SLC35D4: variants seen among roughly 807,000 people sequenced by gnomAD.
The protein encoded by SLC35D4 is UDP-N-acetylglucosamine transporter SLC35D4.
At chr18:23,365,908 C>T in the SLC35D4 span, among the ~76,000 whole-genome samples, 1 of 152,192 alleles carries the variant, frequency 6.6e-6, no homozygotes, top group Non-Finnish European at 1.5e-5. Context: ...ATGTCTCAAC[C>T]TGAGGGTCTA....
chr18:23,250,894 CAA>C, the SLC35D4 span, among the ~76,000 whole-genome samples: 1 of 152,212 alleles, frequency 6.6e-6, no homozygotes, highest in East Asian at 1.9e-4. Flanking sequence ...ACCAGAGAAG[CAA>C]AGAGAGGACC....
the SLC35D4 span, among the ~76,000 whole-genome samples, chr18:23,431,020 GGTGCGCACATGTA>G: frequency 3.3e-5 from 5 of 151,786 alleles, no homozygotes; most frequent in African/African-American, 1.2e-4. Flanking sequence ...TGGGCGTGGT[GGTGCGCACATGTA>G]GTCCCAGTTA....
chr18:23,254,719 A>G, the SLC35D4 span, among the ~76,000 whole-genome samples: 2 of 152,206 alleles, frequency 1.3e-5, no homozygotes, highest in Admixed American at 6.5e-5. Flanking sequence ...CCTTAATTGC[A>G]GAGAAAGACA....
chr18:23,432,622 A>C, the SLC35D4 span, among the ~76,000 whole-genome samples: 5 of 150,564 alleles, frequency 3.3e-5, no homozygotes, highest in Non-Finnish European at 7.4e-5. Flanking sequence ...TGGAGGTTGC[A>C]GTGAGCCGAG....
At chr18:23,430,123 G>A in the SLC35D4 span, among the ~76,000 whole-genome samples, 1 of 152,090 alleles carries the variant, frequency 6.6e-6, no homozygotes, top group South Asian at 2.1e-4. Context: ...TTTCTTCTTG[G>A]ATTTTTAGAG....
the SLC35D4 span, among the ~76,000 whole-genome samples, chr18:23,434,364 CA>C: frequency 6.6e-6 from 1 of 152,166 alleles, no homozygotes; most frequent in Non-Finnish European, 1.5e-5. Context: ...ATTGTATTTA[CA>C]TTCTCGGGAC....
At chr18:23,252,293 T>C in the SLC35D4 span, among the ~76,000 whole-genome samples, 1 of 152,164 alleles carries the variant, frequency 6.6e-6, no homozygotes, top group Non-Finnish European at 1.5e-5. Flanking sequence ...CAGATGGTGG[T>C]GAGGGCTGCA....
At chr18:23,385,411 C>T in the SLC35D4 span, among the ~76,000 whole-genome samples, 1 of 152,218 alleles carries the variant, frequency 6.6e-6, no homozygotes, top group East Asian at 1.9e-4. Context: ...GCCCGGCACA[C>T]GCAGAGCAAG....
the SLC35D4 span, among the ~76,000 whole-genome samples, chr18:23,434,639 C>A: frequency 6.6e-6 from 1 of 151,910 alleles, no homozygotes; most frequent in African/African-American, 2.4e-5. Flanking sequence ...AAAAAAAATA[C>A]AAAAATTAGC....
chr18:23,240,497 G>C, the SLC35D4 span, among the ~76,000 whole-genome samples: 1 of 152,264 alleles, frequency 6.6e-6, no homozygotes, highest in Non-Finnish European at 1.5e-5. Flanking sequence ...CTTTGAGCCA[G>C]GTTGTGGAAT....
At chr18:23,248,126 G>A in the SLC35D4 span, among the ~76,000 whole-genome samples, 10 of 152,376 alleles carry the variant, frequency 6.6e-5, no homozygotes, top group South Asian at 4.1e-4. Flanking sequence ...CTCCAGAGCC[G>A]CAGGCTGAGC....
the SLC35D4 span, among the ~76,000 whole-genome samples, chr18:23,268,801 T>C: frequency 3.4e-4 from 47 of 138,576 alleles, no homozygotes; most frequent in East Asian, 3.9e-3. Context: ...CGTGTGTGTG[T>C]GCGTGTGTGT....
chr18:23,388,987 C>CTTTTTTTT, the SLC35D4 span, among the ~76,000 whole-genome samples: 6 of 126,180 alleles, frequency 4.8e-5, no homozygotes, highest in East Asian at 2.2e-4. Flanking sequence ...TCAAGTAGTT[C>CTTTTTTTT]TTTTTTTTTT....
chr18:23,401,314 T>A, the SLC35D4 span, among the ~76,000 whole-genome samples: 2 of 152,212 alleles, frequency 1.3e-5, no homozygotes, highest in African/African-American at 4.8e-5. Flanking sequence ...TTCACGGACC[T>A]CATAATCTAA....
At chr18:23,379,259 G>C in the SLC35D4 span, among the ~76,000 whole-genome samples, 1 of 152,042 alleles carries the variant, frequency 6.6e-6, no homozygotes, top group Admixed American at 6.6e-5. Context: ...AAGTAGCTGG[G>C]ATTACAGGTG....
chr18:23,289,452 C>T, the SLC35D4 span, among the ~76,000 whole-genome samples: 1 of 152,178 alleles, frequency 6.6e-6, no homozygotes, highest in African/African-American at 2.4e-5. Context: ...AACAATCCCA[C>T]AATATCACCC....
At chr18:23,411,541 G>GAAAGAAAGAAAGAA in the SLC35D4 span, among the ~76,000 whole-genome samples, 1 of 149,932 alleles carries the variant, frequency 6.7e-6, no homozygotes, top group African/African-American at 2.5e-5. Context: ...AAGAAAGAAA[G>GAAAGAAAGAAAGAA]AAAGAAAGAA....
At chr18:23,331,943 T>G in the SLC35D4 span, among the ~76,000 whole-genome samples, 9 of 138,444 alleles carry the variant, frequency 6.5e-5, no homozygotes, top group African/African-American at 8.2e-5. Context: ...TAGAGTGTGG[T>G]GGAGTGATCA....
the SLC35D4 span, among the ~76,000 whole-genome samples, chr18:23,343,557 A>C: frequency 1.3e-5 from 2 of 151,928 alleles, no homozygotes; most frequent in East Asian, 1.9e-4. Context: ...TTTATTTTTA[A>C]CTTGTATTTT....
Sources: gnomAD v4.1 joint callset for allele counts (sites outside exome capture counted in the v4.1 genomes callset) on GRCh38, gnomAD v4.1.1 for gene constraint, MANE v1.5 for transcripts, NCBI Gene and HGNC (gene_info 2026-07-23, HGNC 2026-07-21) for gene names.